Variants in FAM184A observed in about 807,000 individuals in gnomAD.
The protein encoded by FAM184A is family with sequence similarity 184 member A, also known as protein FAM184A.
FAM184A carries 99 observed loss-of-function variants against 143.8 expected under a neutral mutation model. The observed-to-expected ratio is 0.69, with a 90% CI of 0.58 to 0.81. The LOEUF (loss-of-function observed/expected upper bound fraction) is 0.81, where lower values mean the gene tolerates loss of function less well. Among genes scored for constraint, FAM184A ranks in the 40% least tolerant of loss-of-function variants. FAM184A has a pLI of 0.00. For synonymous variants in FAM184A, 427 were observed against 446.4 expected (o/e 0.96, Z 0.55); for missense variants, 1,217 against 1,310.5 (o/e 0.93, Z 1.10).
At chr6:119,089,963 T>C (rs1273261208) in intron 1 of FAM184A, among the ~76,000 whole-genome samples, 2 of 152,214 alleles carry the variant, frequency 1.3e-5, no homozygotes, top group Non-Finnish European at 2.9e-5. Context: ...GCACAATAAA[T>C]GTTTATTTCC....
At chr6:119,096,863 G>A (rs1048311417) in intron 1 of FAM184A, among the ~76,000 whole-genome samples, 5 of 152,096 alleles carry the variant, frequency 3.3e-5, no homozygotes, top group African/African-American at 9.7e-5. Flanking sequence ...TGTCCTTGAC[G>A]TCAGAAGGCA....
chr6:119,120,819 T>TTC, intron 1 of FAM184A, among the ~76,000 whole-genome samples: 1 of 138,336 alleles, frequency 7.2e-6, no homozygotes, highest in Non-Finnish European at 1.5e-5. Context: ...TTTCTTTCTT[T>TTC]CTTTCTTCCT....
intron 6 of FAM184A, among the ~76,000 whole-genome samples, chr6:119,008,668 C>T (rs1351223367): frequency 6.6e-6 from 1 of 152,034 alleles, no homozygotes; most frequent in Non-Finnish European, 1.5e-5. Flanking sequence ...TATTAATGTA[C>T]AAACTGAGGG....
chr6:119,005,862 C>T, intron 7 of FAM184A: 1 of 450,596 alleles, frequency 2.2e-6, no homozygotes, highest in South Asian at 6.0e-5. Context: ...TTTCTGAAAT[C>T]TGCAGACACA....
chr6:119,147,691 A>G (rs569617269), intron 1 of FAM184A, among the ~76,000 whole-genome samples: 1 of 152,338 alleles, frequency 6.6e-6, no homozygotes, highest in East Asian at 1.9e-4. Flanking sequence ...CTGAACAATA[A>G]CTTCTGTAAC....
intron 1 of FAM184A, among the ~76,000 whole-genome samples, chr6:119,075,165 A>T (rs1369828797): frequency 6.6e-6 from 1 of 152,252 alleles, no homozygotes. Flanking sequence ...CACAATGCAG[A>T]ATAAATGTGA....
At chr6:118,970,008 A>ATATATTTTTTTTTT in intron 14 of FAM184A, among the ~76,000 whole-genome samples, 1 of 19,046 alleles carries the variant, frequency 5.3e-5, no homozygotes, top group Non-Finnish European at 1.1e-4. Context: ...ATATATATAT[A>ATATATTTTTTTTTT]TTTTTTTTTT....
At chr6:119,007,534 G>A (rs866483811) in intron 6 of FAM184A, among the ~76,000 whole-genome samples, 17 of 152,040 alleles carry the variant, frequency 1.1e-4, no homozygotes, top group African/African-American at 4.1e-4. Flanking sequence ...AATCTCATAA[G>A]ATAATTAGGG....
intron 1 of FAM184A, among the ~76,000 whole-genome samples, chr6:119,072,976 T>G (rs1160994982): frequency 6.6e-6 from 1 of 152,164 alleles, no homozygotes; most frequent in Admixed American, 6.5e-5. Context: ...AAATACTTAT[T>G]AAGCTTTGGT....
intron 11 of FAM184A, among the ~76,000 whole-genome samples, chr6:118,977,017 T>C (rs1783867225): frequency 6.6e-6 from 1 of 152,204 alleles, no homozygotes; most frequent in Non-Finnish European, 1.5e-5. Flanking sequence ...GCAGCTGCCA[T>C]ATGACCCAGC....
chr6:119,015,078 A>C (rs1264864012), intron 5 of FAM184A, among the ~76,000 whole-genome samples: 1 of 151,986 alleles, frequency 6.6e-6, no homozygotes, highest in Non-Finnish European at 1.5e-5. Flanking sequence ...AAAAAAAAGA[A>C]AAAGAAAAGA....
intron 1 of FAM184A, among the ~76,000 whole-genome samples, chr6:119,055,745 TTAGCCCTCTGA>T (rs1421713944): frequency 6.6e-6 from 1 of 152,214 alleles, no homozygotes; most frequent in Non-Finnish European, 1.5e-5. Context: ...ACATACTTTT[TTAGCCCTCTGA>T]TACTGTCTGT....
chr6:119,078,053 G>T lies in FAM184A; in HGVS notation c.159+88C>A. ...AGGAGTAGAGTTCCCCTCGCTGCGG[G>T]CGCAGGGCGCACTGCCTCCCGGGGA... On this transcript the variant is annotated intron_variant, in intron 1 of 17. Coordinates refer to ENST00000338891, the MANE Select transcript of FAM184A (RefSeq NM_024581.6). This position sits in a 1 kb window ranked among gnomAD's most constrained non-coding sequence, Gnocchi z 5.5. 1 of 1,440,042 alleles carries T rather than the reference G, an allele frequency of 6.9e-7. No individual in the cohort carries two copies. The highest frequency in any genetic ancestry group is 9.3e-7 in the Non-Finnish European group (1 of 1,078,342). The allele number at this position is 1,440,042 out of a possible 1,614,324, so 89.2% of individuals were successfully genotyped here.
At chr6:118,994,128 T>C (rs1460993757) in intron 9 of FAM184A, among the ~76,000 whole-genome samples, 1 of 152,128 alleles carries the variant, frequency 6.6e-6, no homozygotes, top group African/African-American at 2.4e-5. Context: ...TACACATGAA[T>C]GTTTACCACA....
intron 1 of FAM184A, 92 bp from the exon 2 acceptor site, chr6:119,024,905 C>T: frequency 8.3e-7 from 1 of 1,199,340 alleles, no homozygotes; most frequent in Non-Finnish European, 1.2e-6. Flanking sequence ...TGATATTTTT[C>T]TATGCACATA....
chr6:119,023,061 T>G lies in FAM184A; in HGVS notation c.1034A>C (p.Asp345Ala). The G allele has an allele frequency of 6.2e-7, 1 of 1,614,140 alleles. No homozygotes were observed. Among genetic ancestry groups the G allele is most frequent in the Non-Finnish European group, 8.5e-7 (1 of 1,180,022 alleles). Residue 345 changes from aspartate to alanine, a missense_variant, in exon 3 of 18, where the codon GAT becomes GCT. Asp to Ala is a moderately radical substitution (Grantham distance 126, BLOSUM62 -2). Coordinates refer to ENST00000338891, the MANE Select transcript of FAM184A (RefSeq NM_024581.6). ...GGCCATTTCTCCCTCCTTGGCATCA[T>G]CAAGCTGTTTTTGAAGAACCTAAGA... ...NNVQVLQKQL[D>A]DAKEGEMALL...
At chr6:119,078,713 CA>C (rs1787973873), upstream of FAM184A, 1 of 155,366 alleles carries the variant, frequency 6.4e-6, no homozygotes, top group African/African-American at 2.4e-5. This position sits in a 1 kb window ranked among gnomAD's most constrained non-coding sequence, Gnocchi z 5.5. Context: ...TAGGCGGGGA[CA>C]TGGAGGAGGA....
intron 1 of FAM184A, among the ~76,000 whole-genome samples, chr6:119,102,784 CAAAAAAAAAAAAAA>C (rs58686018): frequency 3.3e-5 from 1 of 30,112 alleles, no homozygotes; most frequent in African/African-American, 1.2e-4. Context: ...GACTCCATCT[CAAAAAAAAAAAAAA>C]AAAAAAAAAG....
intron 1 of FAM184A, among the ~76,000 whole-genome samples, chr6:119,120,922 C>T (rs1789196643): frequency 6.9e-6 from 1 of 144,024 alleles, no homozygotes; most frequent in Non-Finnish European, 1.5e-5. Context: ...CTCATCCTGC[C>T]TCAAACTCCT....
Sources: gnomAD v4.1 joint callset for allele counts (sites outside exome capture counted in the v4.1 genomes callset) on GRCh38, gnomAD v4.1.1 for gene constraint, Gnocchi (gnomAD v3.1) non-coding constraint, MANE v1.5 for transcripts, NCBI Gene and HGNC (gene_info 2026-07-23, HGNC 2026-07-21) for gene names.